The following ATP1B1 variants were observed in gnomAD, a reference collection of about 807,000 sequenced individuals.
The protein encoded by ATP1B1 is ATPase Na+/K+ transporting subunit beta 1.
In ATP1B1, 3 loss-of-function variants were observed where a neutral mutation model predicts 39.6. That is an observed-to-expected ratio of 0.08 (90% CI 0.03 to 0.20). The LOEUF is 0.20. ATP1B1 is among the 10% of genes least tolerant of loss of function. The pLI is 1.00. For missense variants in ATP1B1, 216 were observed against 371.1 expected (o/e 0.58, Z 3.43); for synonymous variants, 139 against 135.0 (o/e 1.03, Z -0.20).
At chr1:169,110,730 TTC>T (rs1301341331) in intron 1 of ATP1B1, 36 of 1,252,470 alleles carry the variant, frequency 2.9e-5, no homozygotes, top group Non-Finnish European at 3.7e-5. Context: ...CTATAGAATT[TTC>T]TTTTTTTCCC....
At chr1:169,110,543 C>G (rs1267083430) in intron 1 of ATP1B1, 6 of 900,980 alleles carry the variant, frequency 6.7e-6, no homozygotes, top group African/African-American at 1.8e-5. Context: ...GATAGCCACC[C>G]TCATTCCCAT....
chr1:169,111,716 A>C (rs1657735199), intron 2 of ATP1B1, among the ~76,000 whole-genome samples: 1 of 152,160 alleles, frequency 6.6e-6, no homozygotes, highest in South Asian at 2.1e-4. Flanking sequence ...CCAGTTCTAG[A>C]GTGAGGGTGA....
At chr1:169,130,111 A>G in intron 5 of ATP1B1, 21 bp downstream of exon 5, 4 of 1,609,320 alleles carry the variant, frequency 2.5e-6, no homozygotes, top group Non-Finnish European at 3.4e-6. Flanking sequence ...ATTTAGGGTT[A>G]CTGGGGTGGT....
chr1:169,126,735 A>G (rs1462597695), intron 3 of ATP1B1, among the ~76,000 whole-genome samples: 1 of 152,208 alleles, frequency 6.6e-6, no homozygotes, highest in Non-Finnish European at 1.5e-5. Context: ...GTGGTGGTTG[A>G]AAAGGAAAAT....
intron 2 of ATP1B1, among the ~76,000 whole-genome samples, chr1:169,122,995 A>G (rs1242206894): frequency 1.3e-5 from 2 of 152,102 alleles, no homozygotes; most frequent in African/African-American, 4.8e-5. Flanking sequence ...CCTCTAGGGA[A>G]CTACATGTGT....
intron 2 of ATP1B1, among the ~76,000 whole-genome samples, chr1:169,123,144 C>T (rs570777907): frequency 1.3e-5 from 2 of 152,328 alleles, no homozygotes; most frequent in South Asian, 4.1e-4. Context: ...TGGTGCTGCA[C>T]TCTAGTTATC....
chr1:169,125,383 C>A (rs1390521036), intron 3 of ATP1B1, among the ~76,000 whole-genome samples: 2 of 152,180 alleles, frequency 1.3e-5, no homozygotes, highest in Non-Finnish European at 2.9e-5. Flanking sequence ...CCAAAAAGTT[C>A]TCCCTATAGA....
chr1:169,112,104 C>T (rs1657741226), intron 2 of ATP1B1, among the ~76,000 whole-genome samples: 1 of 152,210 alleles, frequency 6.6e-6, no homozygotes, highest in South Asian at 2.1e-4. Flanking sequence ...TATTTATACC[C>T]ATTGATTTAA....
intron 2 of ATP1B1, among the ~76,000 whole-genome samples, chr1:169,117,998 A>G (rs1657887178): frequency 1.3e-5 from 2 of 152,246 alleles, no homozygotes; most frequent in Admixed American, 1.3e-4. Flanking sequence ...AGCATAATTA[A>G]TGTAAAATAC....
Position 169,132,283 on chromosome 1 carries a change from A to G in ATP1B1, c.*728A>G, listed in dbSNP as rs1256088132. The G allele has an allele frequency of 2.4e-5, 14 of 577,614 alleles. No individual in the cohort carries two copies. The East Asian group carries it at 4.3e-4, about 18-fold the overall frequency. The allele number at this position is 577,614 out of a possible 1,614,324, so 35.8% of individuals were successfully genotyped here. On this transcript the variant is annotated 3_prime_UTR_variant, in exon 6 of 6. Coordinates refer to ENST00000367815, the MANE Select transcript of ATP1B1 (RefSeq NM_001677.4). Reference sequence around the variant, plus strand: ...GACATCTCTTGCCTTGTCCTCCGGTATGTTCTAAAGCTGTGTCTGAGATCT... The same window carrying G: ...GACATCTCTTGCCTTGTCCTCCGGTGTGTTCTAAAGCTGTGTCTGAGATCT...
chr1:169,107,339 T>A (rs962408395), intron 1 of ATP1B1, among the ~76,000 whole-genome samples: 6 of 152,036 alleles, frequency 3.9e-5, no homozygotes, highest in African/African-American at 1.4e-4. Flanking sequence ...GGTGATGGGA[T>A]CTAATGCAGA....
intron 2 of ATP1B1, 40 bp downstream of exon 2, chr1:169,111,538 G>C: frequency 6.3e-7 from 1 of 1,592,462 alleles, no homozygotes; most frequent in Non-Finnish European, 8.6e-7. Flanking sequence ...TTCAGAGATA[G>C]CATGGGTGTC....
rs183142108 is a variant in ATP1B1, at chr1:169,118,311, A to T, written c.227-6573A>T. On this transcript the variant is annotated intron_variant, in intron 2 of 5. Transcript: ENST00000367815. Reference sequence around the variant, plus strand: ...GTTGGTAAACATCCAGATTGGCTGTAGAGACAGTCCGGGGATTCAGTTTTC... The same window carrying T: ...GTTGGTAAACATCCAGATTGGCTGTTGAGACAGTCCGGGGATTCAGTTTTC... 9.3e-4 allele frequency among the ~76,000 whole-genome samples: 141 copies of T among 152,318 alleles called. 1 individual carries two copies. Among genetic ancestry groups the T allele is most frequent in the Middle Eastern group, 3.4e-3 (1 of 294 alleles).
At chr1:169,119,254 C>G (rs1344565584) in intron 2 of ATP1B1, among the ~76,000 whole-genome samples, 2 of 152,052 alleles carry the variant, frequency 1.3e-5, no homozygotes, top group African/African-American at 2.4e-5. Flanking sequence ...TTTACATACC[C>G]AGATTATGAT....
In ATP1B1 at chr1:169,131,226, G is replaced by C. The variant is rs1262123721; in HGVS notation, c.649-66G>C. 4.0e-6 allele frequency: 6 copies of C among 1,514,228 alleles called. No individual in the cohort carries two copies. In the Admixed American group the frequency reaches 7.5e-5, roughly 19 times the overall value. 93.8% of individuals were successfully genotyped at this position (1,514,228 alleles called of 1,614,324 possible). The stretch of plus-strand genomic sequence containing the variant: ...CAAACTACTGTGTAGATTGAGTCTT[G>C]TTTTTGAGTACACATAGTGATGCAT... On this transcript the variant is annotated intron_variant, in intron 5 of 5. Coordinates refer to ENST00000367815, the MANE Select transcript of ATP1B1 (RefSeq NM_001677.4). The surrounding 1 kb of genome is among the most constrained non-coding windows in gnomAD (Gnocchi z 4.4).
rs879027392 is a variant in ATP1B1, at chr1:169,131,351, T to C, written c.708T>C (p.Pro236=). ...AGTATTTTGGACTGGGCAACTCCCC[T>C]GGTTTTCCTCTGCAGTATTATCCGT... The part of the protein sequence containing the change: ...NVEYFGLGNS[P]GFPLQYYPYY... Residue 236 remains proline, a synonymous_variant, in exon 6 of 6, where the codon CCT becomes CCC. Coordinates refer to ENST00000367815, the MANE Select transcript of ATP1B1 (RefSeq NM_001677.4). The surrounding 1 kb of genome is among the most constrained non-coding windows in gnomAD (Gnocchi z 4.4). 1 of 1,614,198 alleles carries C rather than the reference T, an allele frequency of 6.2e-7. No homozygotes were observed. The highest frequency in any genetic ancestry group is 8.5e-7 in the Non-Finnish European group (1 of 1,180,040).
intron 2 of ATP1B1, among the ~76,000 whole-genome samples, chr1:169,118,027 TTA>T (rs1657887923): frequency 6.6e-6 from 1 of 152,356 alleles, no homozygotes; most frequent in Admixed American, 6.5e-5. Flanking sequence ...ATCTATTTGT[TTA>T]TGTTATTCTT....
intron 4 of ATP1B1, 76 bp from the exon 5 acceptor site, chr1:169,129,934 C>A: frequency 7.0e-7 from 1 of 1,425,754 alleles, no homozygotes; most frequent in Non-Finnish European, 9.8e-7. Context: ...CTTGTTTGGA[C>A]TACGGAGTAG....
chr1:169,107,032 G>C, intron 1 of ATP1B1, 106 bp downstream of exon 1: 1 of 1,101,052 alleles, frequency 9.1e-7, no homozygotes, highest in Non-Finnish European at 1.3e-6. Context: ...GCGCTGGCCG[G>C]GGTGGCGGGG....
Sources: gnomAD v4.1 joint callset for allele counts (sites outside exome capture counted in the v4.1 genomes callset) on GRCh38, gnomAD v4.1.1 for gene constraint, Gnocchi (gnomAD v3.1) non-coding constraint, MANE v1.5 for transcripts, NCBI Gene and HGNC (gene_info 2026-07-23, HGNC 2026-07-21) for gene names.